The following XKR6 variants were observed in gnomAD, a reference collection of about 807,000 sequenced individuals.
The protein encoded by XKR6 is XK related 6.
A neutral mutation model predicts 56.7 loss-of-function variants in XKR6; 22 were observed. The observed-to-expected ratio is 0.39, with a 90% CI of 0.28 to 0.55. The LOEUF is 0.55. Among genes scored for constraint, XKR6 ranks in the 20% least tolerant of loss-of-function variants. The probability of loss-of-function intolerance (pLI) is 0.66; values close to 1 mark genes in which losing one functional copy is unlikely to be tolerated. For missense variants in XKR6, 852 were observed against 889.0 expected, an observed-to-expected ratio of 0.96 and a Z score of 0.53; for synonymous variants, 524 against 387.8, an observed-to-expected ratio of 1.35 and a Z score of -4.13.
At chr8:11,004,730 A>C (rs1798325993) in intron 1 of XKR6, among the ~76,000 whole-genome samples, 1 of 152,242 alleles carries the variant, frequency 6.6e-6, no homozygotes, top group Non-Finnish European at 1.5e-5. Flanking sequence ...CAAACAGATA[A>C]TTGTATATCC....
intron 2 of XKR6, among the ~76,000 whole-genome samples, chr8:10,900,723 C>A (rs547510623): frequency 6.6e-6 from 1 of 152,286 alleles, no homozygotes; most frequent in South Asian, 2.1e-4. Flanking sequence ...TGTGTGTCTG[C>A]AGTGGCTGCA....
intron 1 of XKR6, among the ~76,000 whole-genome samples, chr8:11,112,980 CCAGAA>C (rs1798980182): frequency 6.6e-6 from 1 of 152,076 alleles, no homozygotes; most frequent in Admixed American, 6.5e-5. Flanking sequence ...AACTGAGTCT[CCAGAA>C]GAGAAACATG....
At chr8:10,921,876 C>G (rs967077411) in intron 2 of XKR6, among the ~76,000 whole-genome samples, 1 of 152,180 alleles carries the variant, frequency 6.6e-6, no homozygotes, top group African/African-American at 2.4e-5. Context: ...GAAGGTGTCC[C>G]CTCCAAAGTT....
At chr8:11,070,256 G>A (rs1196110337) in intron 1 of XKR6, among the ~76,000 whole-genome samples, 1 of 152,186 alleles carries the variant, frequency 6.6e-6, no homozygotes, top group Non-Finnish European at 1.5e-5. Flanking sequence ...TGTAGAACAT[G>A]GATGTTATTC....
chr8:11,037,753 G>C (rs1193736951), intron 1 of XKR6, among the ~76,000 whole-genome samples: 1 of 152,052 alleles, frequency 6.6e-6, no homozygotes, highest in African/African-American at 2.4e-5. Context: ...AGCTACTTGG[G>C]AGGCTAAGGC....
chr8:11,157,036 T>C lies in XKR6; in HGVS notation c.764+43540A>G, dbSNP rs78562337. Among the ~76,000 whole-genome samples, 1,176 of 152,344 alleles carry C rather than the reference T, an allele frequency of 7.7e-3. 46 individuals are homozygous for C. The East Asian group carries it at 0.09, about 12-fold the overall frequency. On this transcript the variant is annotated intron_variant, in intron 1 of 2. Coordinates refer to ENST00000416569, the MANE Select transcript of XKR6 (RefSeq NM_173683.4). ...TCACACATGCTCTAATTTGAGGTCA[T>C]GAGAGGGCACTTCACCTCTGGGGTA... is the stretch of plus-strand genomic sequence containing the variant.
intron 1 of XKR6, chr8:11,137,395 C>T: frequency 2.9e-6 from 1 of 342,238 alleles, no homozygotes; most frequent in Non-Finnish European, 5.7e-6. Context: ...TCTTCATTCA[C>T]ATATTCTAGC....
At chr8:11,107,988 A>G in intron 1 of XKR6, 1 of 321,480 alleles carries the variant, frequency 3.1e-6, no homozygotes, top group South Asian at 2.6e-5. Context: ...TCCCAATATT[A>G]GAGTTTCTTC....
chr8:10,998,639 C>T (rs1011886378), intron 1 of XKR6, among the ~76,000 whole-genome samples: 3 of 152,190 alleles, frequency 2.0e-5, no homozygotes, highest in Admixed American at 1.3e-4. Flanking sequence ...TGGCTGACAG[C>T]CTTGAGCCCC....
chr8:11,093,347 G>T lies in XKR6; in HGVS notation c.764+107229C>A, dbSNP rs937609058. On this transcript the variant is annotated intron_variant, in intron 1 of 2. Coordinates refer to ENST00000416569, the MANE Select transcript of XKR6 (RefSeq NM_173683.4). The stretch of plus-strand genomic sequence containing the variant: ...TGAGATTTCAGGAGTGAGCCACCAC[G>T]CCCAGATCTTCCCCAGCTTTCTAGC... Among the ~76,000 whole-genome samples, 7 of 152,266 alleles carry T rather than the reference G, an allele frequency of 4.6e-5. No individual in the cohort carries two copies. The Middle Eastern group carries it at 0.01, about 222-fold the overall frequency.
chr8:11,161,824 G>A lies in XKR6; in HGVS notation c.764+38752C>T, dbSNP rs552076805. Among the ~76,000 whole-genome samples the A allele has an allele frequency of 4.8e-4, 73 of 152,174 alleles. 1 individual carries two copies. Among genetic ancestry groups the A allele is most frequent in the African/African-American group, 1.7e-3 (69 of 41,542 alleles). ...TACTGAAGTATATCATCAGGTACCT[G>A]CAACTCAAAATTCTGGTTGGCTTCA... is the stretch of plus-strand genomic sequence containing the variant. On this transcript the variant is annotated intron_variant, in intron 1 of 2. Coordinates refer to ENST00000416569, the MANE Select transcript of XKR6 (RefSeq NM_173683.4).
intron 1 of XKR6, among the ~76,000 whole-genome samples, chr8:10,976,192 GC>G (rs5889353): frequency 0.19 from 28,042 of 148,978 alleles, 4,311 homozygotes; most frequent in African/African-American, 0.43. Context: ...AAAAAAAAGT[GC>G]CCCCCCCCAA....
intron 1 of XKR6, among the ~76,000 whole-genome samples, chr8:11,096,612 C>T (rs537003993): frequency 2.0e-5 from 3 of 152,272 alleles, no homozygotes; most frequent in East Asian, 1.9e-4. Context: ...GAAGATGGAC[C>T]GATGTTAGTC....
chr8:11,137,312 C>T lies in XKR6; in HGVS notation c.764+63264G>A, dbSNP rs963255564. 3 of 295,222 alleles carry T rather than the reference C, an allele frequency of 1.0e-5. No homozygotes were observed. In the Admixed American group the frequency reaches 1.5e-4, roughly 14 times the overall value. 18.3% of individuals were successfully genotyped at this position (295,222 alleles called of 1,614,324 possible). A position where few individuals can be genotyped will look rare whatever the true frequency, so the allele number is the denominator to read the frequency against. On this transcript the variant is annotated intron_variant, in intron 1 of 2. Coordinates refer to ENST00000416569, the MANE Select transcript of XKR6 (RefSeq NM_173683.4). ...TTTTAATTTATTCAAGAAACCAATA[C>T]ATATCAGAGCATAAGTGAGAAAAAG... is the stretch of plus-strand genomic sequence containing the variant.
intron 1 of XKR6, among the ~76,000 whole-genome samples, chr8:11,044,149 G>C (rs1799351798): frequency 1.3e-5 from 2 of 152,220 alleles, no homozygotes; most frequent in African/African-American, 4.8e-5. Flanking sequence ...ACCGTGGACT[G>C]GTTCTGGCTG....
intron 1 of XKR6, among the ~76,000 whole-genome samples, chr8:11,114,875 C>T (rs1799095123): frequency 6.6e-6 from 1 of 152,054 alleles, no homozygotes; most frequent in African/African-American, 2.4e-5. Flanking sequence ...GTTCCAATAG[C>T]AGTACTCGTA....
intron 1 of XKR6, among the ~76,000 whole-genome samples, chr8:10,960,130 A>T (rs76871784): frequency 0.019 from 2,826 of 152,244 alleles, 86 homozygotes; most frequent in African/African-American, 0.064. Context: ...GGAAAACATA[A>T]AAAGGTCTTT....
At chr8:10,982,231 C>T (rs183264936) in intron 1 of XKR6, among the ~76,000 whole-genome samples, 42 of 152,270 alleles carry the variant, frequency 2.8e-4, no homozygotes, top group African/African-American at 9.1e-4. Flanking sequence ...GATAAGAGAA[C>T]GGCACTTTCT....
chr8:11,189,840 C>G (rs1473206371), intron 1 of XKR6, among the ~76,000 whole-genome samples: 2 of 152,172 alleles, frequency 1.3e-5, no homozygotes, highest in African/African-American at 2.4e-5. Context: ...TCAAGTGATT[C>G]TGATGCACAG....
Sources: allele counts gnomAD v4.1 joint callset (sites outside exome capture counted in the v4.1 genomes callset), GRCh38; gene constraint gnomAD v4.1.1; transcripts MANE v1.5; gene names NCBI Gene and HGNC (gene_info 2026-07-23, HGNC 2026-07-21).